The following GPSM1 variants were observed in gnomAD, a reference collection of about 807,000 sequenced individuals.
GPSM1 encodes the protein G protein-signaling modulator 1.
In GPSM1, 48 loss-of-function variants were observed where a neutral mutation model predicts 70.5. The ratio of observed to expected loss-of-function variants is 0.68; its 90% CI spans 0.54 to 0.87. The LOEUF (loss-of-function observed/expected upper bound fraction) is 0.87, where lower values mean the gene tolerates loss of function less well. GPSM1 is among the 40% of genes least tolerant of loss of function. The probability of loss-of-function intolerance (pLI) is 0.00; values close to 1 mark genes in which losing one functional copy is unlikely to be tolerated. For synonymous variants in GPSM1, 416 were observed against 430.1 expected (o/e 0.97, Z 0.41); for missense variants, 981 against 972.6 (o/e 1.01, Z -0.11).
Position 136,358,098 on chromosome 9 carries a change from C to G in GPSM1, c.1906C>G (p.Leu636Val), listed in dbSNP as rs1554773545. The G allele has an allele frequency of 1.9e-6, 3 of 1,612,696 alleles. No homozygotes were observed. The highest frequency in any genetic ancestry group is 2.5e-6 in the Non-Finnish European group (3 of 1,179,802). Residue 636 changes from leucine (L) to valine (V), a missense_variant, in exon 14 of 14, where the codon CTC becomes GTC. By Grantham distance (32) the Leu-to-Val change is conservative. Coordinates refer to ENST00000440944, the MANE Select transcript of GPSM1 (RefSeq NM_001145638.3). ...CATGCCGGACGAGGACTTCTTCAGC[C>G]TCATTCAGAGGGTGCAGGCTAAGCG... ...PTMPDEDFFS[L>V]IQRVQAKRMD...
At chr9:136,355,910 C>T in intron 12 of GPSM1, 64 bp downstream of exon 12, 1 of 1,377,104 alleles carries the variant, frequency 7.3e-7, no homozygotes, top group Non-Finnish European at 1.0e-6. Flanking sequence ...ACCAGGGCTC[C>T]CGTCCTGCTT....
At position 136,336,901 on chromosome 9, in the gene GPSM1, A is replaced by G. The variant is rs782180954; in HGVS notation, c.427-20A>G. On this transcript the variant is annotated intron_variant, in intron 3 of 13. Transcript: ENST00000440944. ...GGGGGGCCGTGGAGGCATGCCCCCA[A>G]CCCTCCGTACTGCCCACAGGTTGGG... is the stretch of plus-strand genomic sequence containing the variant. 1.3e-6 allele frequency: 2 copies of G among 1,546,890 alleles called. No individual in the cohort carries two copies. Among genetic ancestry groups the G allele is most frequent in the Non-Finnish European group, 8.7e-7 (1 of 1,144,914 alleles).
rs551509416 is a variant in GPSM1 at position 136,339,810 on chromosome 9, C to G, written c.1078C>G (p.Gln360Glu). The part of the protein sequence containing the change: ...TFAKKHLQIS[Q>E]EIGDRHGELT... ...CGCCAAGAAGCACCTGCAGATCTCC[C>G]AGGAGGTGAGCCAGGCCTGCCCCCA... Residue 360 changes from glutamine to glutamate, a missense_variant, in exon 8 of 14, where the codon CAG (glutamine) becomes GAG (glutamate). Gln to Glu is a conservative substitution (Grantham distance 29, BLOSUM62 2). Coordinates refer to ENST00000440944, the MANE Select transcript of GPSM1 (RefSeq NM_001145638.3). 3 of 1,541,588 alleles carry G rather than the reference C, an allele frequency of 1.9e-6. No homozygotes were observed. The East Asian group carries it at 7.3e-5, about 38-fold the overall frequency.
chr9:136,330,327 G>A (rs928510507), intron 1 of GPSM1, among the ~76,000 whole-genome samples: 8 of 152,076 alleles, frequency 5.3e-5, no homozygotes, highest in Non-Finnish European at 1.2e-4. Context: ...TGGGCCCCCC[G>A]CAACCTCTCT....
At chr9:136,344,960 G>C (rs1335400057) in intron 9 of GPSM1, among the ~76,000 whole-genome samples, 2 of 152,366 alleles carry the variant, frequency 1.3e-5, no homozygotes, top group Admixed American at 6.5e-5. Context: ...TAGGGGCAAG[G>C]CTGGGGCAGC....
chr9:136,351,096 G>A (rs563963316), intron 11 of GPSM1, among the ~76,000 whole-genome samples: 10 of 152,174 alleles, frequency 6.6e-5, no homozygotes, highest in African/African-American at 2.2e-4. Flanking sequence ...TTGTTCTTCC[G>A]TGGGCACCAA....
Position 136,342,291 on chromosome 9 carries a change from G to A in GPSM1, c.1207+1298G>A, listed in dbSNP as rs1426610384. Among the ~76,000 whole-genome samples the A allele has an allele frequency of 6.6e-6, 1 of 152,170 alleles. No individual in the cohort carries two copies. Among genetic ancestry groups the A allele is most frequent in the Non-Finnish European group, 1.5e-5 (1 of 68,020 alleles). ...ACCATCTGGGACCCCAGCAGCAACTGGCAGCAGGGCTGGGAGCAGCTCTGG... is the reference window on the plus strand; with the variant it reads ...ACCATCTGGGACCCCAGCAGCAACTAGCAGCAGGGCTGGGAGCAGCTCTGG... On this transcript the variant is annotated intron_variant, in intron 9 of 13. Transcript: ENST00000440944. This position sits in a 1 kb window ranked among gnomAD's most constrained non-coding sequence, Gnocchi z 5.5.
At chr9:136,354,640 G>A (rs2131415215) in intron 11 of GPSM1, among the ~76,000 whole-genome samples, 1 of 152,348 alleles carries the variant, frequency 6.6e-6, no homozygotes, top group East Asian at 1.9e-4. Flanking sequence ...CTGGGGCCCG[G>A]ACCAGGCCCT....
Position 136,352,198 on chromosome 9 carries a change from A to C in GPSM1, c.1455+2435A>C, listed in dbSNP as rs1447550250. On this transcript the variant is annotated intron_variant, in intron 11 of 13. Transcript: ENST00000440944. The stretch of plus-strand genomic sequence containing the variant: ...TGCGCCGTTGCTGTTGGTGACACCG[A>C]TGCTGCGCCGTTGCTGTTGGTGACA... Among the ~76,000 whole-genome samples, 36 of 26,232 alleles carry C rather than the reference A, an allele frequency of 1.4e-3. 7 individuals carry two copies. Among genetic ancestry groups the C allele is most frequent in the Middle Eastern group, 0.042 (1 of 24 alleles). The allele number at this position is 26,232 out of a possible 152,430, so 17.2% of individuals were successfully genotyped here. A position where few individuals can be genotyped will look rare whatever the true frequency, so the allele number is the denominator to read the frequency against.
In GPSM1 at chr9:136,341,021, T is replaced by C. The variant is rs917520176; in HGVS notation, c.1207+28T>C. 20 of 1,561,394 alleles carry C rather than the reference T, an allele frequency of 1.3e-5. No individual in the cohort carries two copies. The highest frequency in any genetic ancestry group is 1.7e-5 in the Non-Finnish European group (20 of 1,153,408). Reference sequence around the variant, plus strand: ...GAGTTCCAGGGTTGTGGGGGGGTCTTGCTCCCCACAGGCACGGACCGCATC... The same window carrying C: ...GAGTTCCAGGGTTGTGGGGGGGTCTCGCTCCCCACAGGCACGGACCGCATC... On this transcript the variant is annotated intron_variant, in intron 9 of 13. Coordinates refer to ENST00000440944, the MANE Select transcript of GPSM1 (RefSeq NM_001145638.3). The surrounding 1 kb of genome is among the most constrained non-coding windows in gnomAD (Gnocchi z 6.7).
chr9:136,336,199 C>T (rs1832231175), intron 3 of GPSM1, 98 bp downstream of exon 3: 6 of 1,372,464 alleles, frequency 4.4e-6, no homozygotes, highest in South Asian at 1.3e-5. Flanking sequence ...ACTCATCCAG[C>T]TCCTCATGGG....
In GPSM1 at chr9:136,356,420, A is replaced by T. The variant is rs1276577167; in HGVS notation, c.1691A>T (p.Asp564Val). The T allele has an allele frequency of 6.2e-7, 1 of 1,610,096 alleles. No homozygotes were observed. Among genetic ancestry groups the T allele is most frequent in the Non-Finnish European group, 8.5e-7 (1 of 1,178,442 alleles). The change falls in exon 13 of 14, where the codon GAC becomes GTC. Residue 564 changes from aspartate (D) to valine (V), a missense_variant. Asp to Val is a radical substitution (Grantham distance 152, BLOSUM62 -3). Transcript: ENST00000440944. ...LIASSQSRRL[D>V]DQRASVGSLP... ...GCCAGCTCCCAGAGCCGCCGGCTGG[A>T]CGACCAGCGGGCCAGCGTGGGCAGC...
At chr9:136,356,166 G>T (rs1034633075) in intron 12 of GPSM1, among the ~76,000 whole-genome samples, 176 bp from the exon 13 acceptor site, 6 of 152,014 alleles carry the variant, frequency 3.9e-5, no homozygotes, top group Non-Finnish European at 1.5e-5. Context: ...AGCCACAGCA[G>T]GGGGAGCAGC....
rs1361194465 is a variant in GPSM1, at chr9:136,342,899, G to T, written c.1207+1906G>T. ...TCTGGAGGTGGGGCTTCAGCCCGGC[G>T]GGGACGCGGTGGGGCGTGGCCTTGC... On this transcript the variant is annotated intron_variant, in intron 9 of 13. Coordinates refer to ENST00000440944, the MANE Select transcript of GPSM1 (RefSeq NM_001145638.3). This position sits in a 1 kb window ranked among gnomAD's most constrained non-coding sequence, Gnocchi z 5.5. 1.1e-4 allele frequency among the ~76,000 whole-genome samples: 15 copies of T among 140,312 alleles called. No individual in the cohort carries two copies. Among genetic ancestry groups the T allele is most frequent in the Admixed American group, 9.5e-4 (14 of 14,796 alleles). 92.1% of individuals were successfully genotyped at this position (140,312 alleles called of 152,430 possible).
rs78298678 is a variant in GPSM1 at position 136,348,774 on chromosome 9, C to T, written c.1278+7C>T. 56,350 of 1,606,390 alleles carry T rather than the reference C, an allele frequency of 0.035. 1,271 individuals carry two copies. Among genetic ancestry groups the T allele is most frequent in the East Asian group, 0.11 (4,985 of 44,780 alleles). On this transcript the variant is annotated splice_region_variant and intron_variant, in intron 10 of 13. Transcript: ENST00000440944. ...GAGACTCCCCCTGGAGCGGGTGAGCCAGGGACACGGGACCGATGTCAGCAC... is the reference window on the plus strand; with the variant it reads ...GAGACTCCCCCTGGAGCGGGTGAGCTAGGGACACGGGACCGATGTCAGCAC...
intron 6 of GPSM1, among the ~76,000 whole-genome samples, chr9:136,338,194 C>A (rs889316047): frequency 6.6e-6 from 1 of 152,206 alleles, no homozygotes; most frequent in Admixed American, 6.5e-5. Context: ...CTGGCCTGAG[C>A]CACAGAGCAG....
chr9:136,352,141 TGCTGCGCCGTTGCTGTTGGTG>T lies in GPSM1; in HGVS notation c.1455+2379_1455+2399del, dbSNP rs1554772234. Reference sequence around the variant, plus strand: ...GCGCCGTTGCTGTTGGTGACACCAATGCTGCGCCGTTGCTGTTGGTGACACCAATGCTGCGCCGTTGCTGTT... The same window carrying T: ...GCGCCGTTGCTGTTGGTGACACCAATACACCAATGCTGCGCCGTTGCTGTT... On this transcript the variant is annotated intron_variant, in intron 11 of 13. Transcript: ENST00000440944. Among the ~76,000 whole-genome samples, 52 of 142,704 alleles carry T rather than the reference TGCTGCGCCGTTGCTGTTGGTG, an allele frequency of 3.6e-4. 12 individuals carry two copies. The highest frequency in any genetic ancestry group is 9.5e-4 in the African/African-American group (36 of 37,990). 93.6% of individuals were successfully genotyped at this position (142,704 alleles called of 152,430 possible). A position where few individuals can be genotyped will look rare whatever the true frequency, so the allele number is the denominator to read the frequency against.
At chr9:136,351,110 G>C (rs1186853424) in intron 11 of GPSM1, among the ~76,000 whole-genome samples, 8 of 152,196 alleles carry the variant, frequency 5.3e-5, no homozygotes, top group African/African-American at 1.9e-4. Context: ...GCACCAACCT[G>C]CAGAGGGGTG....
At chr9:136,339,566 G>C in intron 7 of GPSM1, 141 bp from the exon 8 acceptor site, 3 of 618,524 alleles carry the variant, frequency 4.9e-6, no homozygotes, top group East Asian at 5.5e-5. Flanking sequence ...CCTGTCATCC[G>C]GCCAATGCCC....
Sources: gnomAD v4.1 joint callset for allele counts (sites outside exome capture counted in the v4.1 genomes callset) on GRCh38, gnomAD v4.1.1 for gene constraint, Gnocchi (gnomAD v3.1) non-coding constraint, MANE v1.5 for transcripts, NCBI Gene and HGNC (gene_info 2026-07-23, HGNC 2026-07-21) for gene names.